The following CTPS2 variants were observed in gnomAD, a reference collection of about 807,000 sequenced individuals.
CTPS2 encodes CTP synthase 2.
CTPS2 carries 19 observed loss-of-function variants against 46.8 expected under a neutral mutation model. That is an observed-to-expected ratio of 0.41 (90% CI 0.28 to 0.60). The LOEUF is 0.60. CTPS2 is among the 20% of genes least tolerant of loss of function. The pLI, the probability that CTPS2 is intolerant of heterozygous loss-of-function variation, is 0.35. For synonymous variants in CTPS2, 151 were observed against 165.2 expected (o/e 0.91, Z 0.66); for missense variants, 286 against 447.6 (o/e 0.64, Z 3.26).
chrX:16,626,193 C>G (rs769124786), intron 14 of CTPS2, among the ~76,000 whole-genome samples: 52 of 110,889 alleles, frequency 4.7e-4, no homozygotes, highest in Non-Finnish European at 8.7e-4. Context: ...ACCAGGCTGG[C>G]CAACATGGTG....
intron 4 of CTPS2, 135 bp from the exon 5 acceptor site, chrX:16,693,622 C>T (rs1415351107): frequency 1.7e-5 from 8 of 474,973 alleles, no homozygotes; most frequent in Admixed American, 3.7e-5. Context: ...TTTATAAATA[C>T]GTTCAAAATC....
At chrX:16,678,985 G>A (rs1381815884) in intron 9 of CTPS2, among the ~76,000 whole-genome samples, 2 of 111,307 alleles carry the variant, frequency 1.8e-5, no homozygotes, top group Non-Finnish European at 3.8e-5. Context: ...GAAGCCAGCC[G>A]AGAGGAGAGC....
At chrX:16,658,634 G>T (rs1472717663) in intron 13 of CTPS2, among the ~76,000 whole-genome samples, 1 of 112,446 alleles carries the variant, frequency 8.9e-6, no homozygotes, top group Non-Finnish European at 1.9e-5. Flanking sequence ...TTCCCAAAAG[G>T]TTGTATGGAT....
At chrX:16,687,474 CAAA>C (rs35798035) in intron 8 of CTPS2, among the ~76,000 whole-genome samples, 1 of 44,395 alleles carries the variant, frequency 2.3e-5, no homozygotes, top group South Asian at 1.6e-3. Context: ...CACCCTGTGT[CAAA>C]AAAAAAAAAA....
At chrX:16,595,148 T>C (rs1389460904) in intron 17 of CTPS2, among the ~76,000 whole-genome samples, 1 of 103,018 alleles carries the variant, frequency 9.7e-6, no homozygotes, top group Non-Finnish European at 2.0e-5. Context: ...AACCTATCTT[T>C]TTCAGCAATC....
In CTPS2 at chrX:16,671,647, T is replaced by G. The variant is rs773887109; in HGVS notation, c.1095-973A>C. The stretch of plus-strand genomic sequence containing the variant: ...CTCCTGCCTCAGCCTCCCGAGTAGC[T>G]GGGATTACAAGCACACGCCACCACG... On this transcript the variant is annotated intron_variant, in intron 10 of 18. Transcript: ENST00000359276. 8.4e-5 allele frequency among the ~76,000 whole-genome samples: 9 copies of G among 106,737 alleles called. No homozygotes were observed. In the East Asian group the frequency reaches 2.1e-3, roughly 25 times the overall value. 92.7% of individuals were successfully genotyped at this position (106,737 alleles called of 115,157 possible). A position where few individuals can be genotyped will look rare whatever the true frequency, so the allele number is the denominator to read the frequency against.
intron 16 of CTPS2, among the ~76,000 whole-genome samples, chrX:16,613,038 C>A (rs951819780): frequency 1.8e-5 from 2 of 111,970 alleles, no homozygotes; most frequent in African/African-American, 6.5e-5. Flanking sequence ...TCAATTCTCC[C>A]CTCTGCTCGG....
chrX:16,688,648 G>C (rs1359266332), intron 8 of CTPS2, among the ~76,000 whole-genome samples: 1 of 110,891 alleles, frequency 9.0e-6, no homozygotes, highest in Admixed American at 9.8e-5. Context: ...TCCATCAGGA[G>C]TTTTAATAAT....
Position 16,589,335 on chromosome X carries a change from C to T in CTPS2, c.*482G>A, listed in dbSNP as rs1199826252. ...AATTTTACTTTTACCAGGAAATAAA[C>T]AGGGTGAGAAACTGCAATGATCTTG... On this transcript the variant is annotated 3_prime_UTR_variant, in exon 19 of 19. Transcript: ENST00000359276. 2 of 111,871 alleles carry T rather than the reference C, an allele frequency of 1.8e-5. No homozygotes were observed. Among genetic ancestry groups the T allele is most frequent in the Non-Finnish European group, 3.8e-5 (2 of 53,227 alleles). The allele number at this position is 111,871 out of a possible 1,213,427, so 9.2% of individuals were successfully genotyped here. A position where few individuals can be genotyped will look rare whatever the true frequency, so the allele number is the denominator to read the frequency against.
At chrX:16,655,881 C>T (rs915121416) in intron 13 of CTPS2, among the ~76,000 whole-genome samples, 13 of 110,140 alleles carry the variant, frequency 1.2e-4, no homozygotes, top group African/African-American at 6.6e-5. Flanking sequence ...CTGCAACCTC[C>T]GCTTCCCGGG....
intron 7 of CTPS2, among the ~76,000 whole-genome samples, chrX:16,689,995 T>G (rs1481621400): frequency 9.4e-6 from 1 of 106,853 alleles, no homozygotes; most frequent in Admixed American, 1.0e-4. Context: ...GAGGTTGCAG[T>G]GAGTCGAGAT....
intron 16 of CTPS2, among the ~76,000 whole-genome samples, chrX:16,615,497 T>C (rs1426392905): frequency 9.0e-6 from 1 of 111,667 alleles, no homozygotes; most frequent in East Asian, 2.8e-4. Flanking sequence ...CCCCCGCCTT[T>C]CCATGTGAAA....
At chrX:16,702,523 G>A (rs1343409764) in intron 2 of CTPS2, among the ~76,000 whole-genome samples, 2 of 112,172 alleles carry the variant, frequency 1.8e-5, no homozygotes, top group Non-Finnish European at 3.8e-5. Context: ...AATCTGTAGT[G>A]CAAAAGATAC....
intron 13 of CTPS2, chrX:16,654,732 C>A: frequency 5.3e-6 from 1 of 188,866 alleles, no homozygotes; most frequent in Non-Finnish European, 9.6e-6. Context: ...TAGTCTGATT[C>A]AACTAATTCT....
At chrX:16,692,044 TTTAC>T (rs770613914) in intron 6 of CTPS2, among the ~76,000 whole-genome samples, 74 of 111,787 alleles carry the variant, frequency 6.6e-4, no homozygotes, top group African/African-American at 2.3e-3. Flanking sequence ...CCAATAAAAC[TTTAC>T]TTACAAAAAC....
At chrX:16,674,112 TG>T (rs1922007538) in intron 10 of CTPS2, among the ~76,000 whole-genome samples, 1 of 84,743 alleles carries the variant, frequency 1.2e-5, no homozygotes, top group African/African-American at 5.2e-5. Flanking sequence ...CATGAAAATG[TG>T]GATTTTTTTT....
At chrX:16,648,225 G>T (rs951928518) in intron 13 of CTPS2, among the ~76,000 whole-genome samples, 1 of 112,276 alleles carries the variant, frequency 8.9e-6, no homozygotes, top group Non-Finnish European at 1.9e-5. Context: ...GAGATTTGAC[G>T]TGGGCTATGA....
intron 3 of CTPS2, among the ~76,000 whole-genome samples, chrX:16,698,556 G>GT (rs10604869): frequency 2.1e-4 from 22 of 104,828 alleles, no homozygotes; most frequent in Middle Eastern, 4.9e-3. Flanking sequence ...GCTTTGTTTT[G>GT]TTTTTTTTTT....
At chrX:16,710,784 A>T (rs1421516323) in intron 1 of CTPS2, among the ~76,000 whole-genome samples, 1 of 111,629 alleles carries the variant, frequency 9.0e-6, no homozygotes, top group African/African-American at 3.3e-5. Context: ...ATTCCCAGCT[A>T]ATTTTTGTAT....
Sources: allele counts gnomAD v4.1 joint callset (sites outside exome capture counted in the v4.1 genomes callset), GRCh38; gene constraint gnomAD v4.1.1; transcripts MANE v1.5; gene names NCBI Gene and HGNC (gene_info 2026-07-23, HGNC 2026-07-21).